The following ACTR3C variants were observed in gnomAD, a reference collection of about 807,000 sequenced individuals.
ACTR3C encodes actin related protein 3C, also known as actin-related protein 3C.
Under a neutral mutation model 26.3 loss-of-function variants are expected in ACTR3C, and 18 were observed. The ratio of observed to expected loss-of-function variants is 0.68; its 90% CI spans 0.47 to 1.01. The LOEUF (loss-of-function observed/expected upper bound fraction) is 1.01, where lower values mean the gene tolerates loss of function less well. Ranked by LOEUF, ACTR3C falls within the 50% of genes least tolerant of loss-of-function variation. The pLI is 0.00. For synonymous variants in ACTR3C, 55 were observed against 94.5 expected, an observed-to-expected ratio of 0.58 and a Z score of 2.42; for missense variants, 184 against 250.7, an observed-to-expected ratio of 0.73 and a Z score of 1.80.
the ACTR3C span, among the ~76,000 whole-genome samples, chr7:150,133,406 G>A: frequency 3.9e-5 from 6 of 152,124 alleles, no homozygotes; most frequent in African/African-American, 7.2e-5. Flanking sequence ...GAAGTTAGAT[G>A]CTCCTTGTTC....
the ACTR3C span, among the ~76,000 whole-genome samples, chr7:150,211,642 G>A: frequency 1.2e-4 from 18 of 149,792 alleles, no homozygotes; most frequent in African/African-American, 4.6e-4. Flanking sequence ...CTGAAGGCTG[G>A]TTGAATGTCC....
At chr7:150,307,139 A>G (rs990700183) in intron 1 of ACTR3C, among the ~76,000 whole-genome samples, 1 of 152,234 alleles carries the variant, frequency 6.6e-6, no homozygotes, top group Admixed American at 6.5e-5. Context: ...TCGTCAGGAG[A>G]CCCTGAGATC....
At chr7:150,076,330 T>C in the ACTR3C span, among the ~76,000 whole-genome samples, 1 of 152,158 alleles carries the variant, frequency 6.6e-6, no homozygotes, top group African/African-American at 2.4e-5. Context: ...GATTTGTGGG[T>C]GACAAGAAAA....
the ACTR3C span, among the ~76,000 whole-genome samples, chr7:150,047,232 A>C: frequency 1.3e-5 from 2 of 151,930 alleles, no homozygotes; most frequent in African/African-American, 2.4e-5. Context: ...GAAATAAATA[A>C]AAAATAAACC....
chr7:150,221,998 C>CAAAAAAAAAAAAAAAAAAAA, the ACTR3C span, among the ~76,000 whole-genome samples: 40 of 79,792 alleles, frequency 5.0e-4, no homozygotes, highest in African/African-American at 2.5e-3. Flanking sequence ...ACTCCGTCTC[C>CAAAAAAAAAAAAAAAAAAAA]AAAAAAAAAA....
At chr7:150,143,463 A>G in the ACTR3C span, among the ~76,000 whole-genome samples, 271 of 152,212 alleles carry the variant, frequency 1.8e-3, 1 homozygote, top group African/African-American at 6.2e-3. Context: ...ATTTACATGC[A>G]ATAAAATTCA....
the ACTR3C span, among the ~76,000 whole-genome samples, chr7:150,231,731 A>C: frequency 6.6e-6 from 1 of 151,574 alleles, no homozygotes; most frequent in African/African-American, 2.4e-5. Flanking sequence ...CTGATAATAT[A>C]TTTCCTATAA....
the ACTR3C span, among the ~76,000 whole-genome samples, chr7:150,034,966 C>T: frequency 6.8e-6 from 1 of 146,632 alleles, no homozygotes; most frequent in African/African-American, 2.5e-5. Flanking sequence ...CTCTCAGTCC[C>T]CACTCTCGTG....
chr7:149,908,483 T>C, the ACTR3C span, among the ~76,000 whole-genome samples: 1 of 152,140 alleles, frequency 6.6e-6, no homozygotes, highest in Non-Finnish European at 1.5e-5. Context: ...TGGAGTCCGC[T>C]TTCTAGTGAT....
the ACTR3C span, among the ~76,000 whole-genome samples, chr7:149,887,096 A>G: frequency 6.6e-6 from 1 of 152,222 alleles, no homozygotes; most frequent in African/African-American, 2.4e-5. Flanking sequence ...TGTACTAGAA[A>G]AAAATTGGAG....
chr7:150,147,284 G>C, the ACTR3C span, among the ~76,000 whole-genome samples: 1 of 152,104 alleles, frequency 6.6e-6, no homozygotes, highest in Admixed American at 6.5e-5. Context: ...AATGTTCCTA[G>C]CTTTAAGATT....
At chr7:150,035,683 TTAGGA>T in the ACTR3C span, among the ~76,000 whole-genome samples, 2 of 129,372 alleles carry the variant, frequency 1.5e-5, no homozygotes, top group Admixed American at 1.5e-4. Context: ...CCTAAGGATC[TTAGGA>T]TCAGCGATGG....
the ACTR3C span, among the ~76,000 whole-genome samples, chr7:150,122,919 G>A: frequency 7.4e-4 from 112 of 150,844 alleles, 5 homozygotes; most frequent in South Asian, 0.023. Context: ...TAAAAAGAAT[G>A]AGTTCGTGTC....
chr7:150,126,506 C>T, the ACTR3C span, among the ~76,000 whole-genome samples: 3 of 152,186 alleles, frequency 2.0e-5, no homozygotes, highest in Non-Finnish European at 4.4e-5. Context: ...AGAGTTGCCA[C>T]TGCAGAGCAA....
At chr7:150,082,939 T>C in the ACTR3C span, among the ~76,000 whole-genome samples, 19,673 of 114,732 alleles carry the variant, frequency 0.17, 1,442 homozygotes, top group South Asian at 0.29. Flanking sequence ...TTTTTCTTTT[T>C]TTTTTTTCTT....
At position 150,288,421 on chromosome 7, in the gene ACTR3C, C is replaced by CT. The variant is rs869032523; in HGVS notation, c.297+1028dup. ...CTCAATTCTTTTTTTTTTTTTTCTT[C>CT]TTTTTTGAAATAGAGACGAGATCTC... On this transcript the variant is annotated intron_variant, in intron 4 of 7. Coordinates refer to ENST00000683684, the MANE Select transcript of ACTR3C (RefSeq NM_001164458.2). Among the ~76,000 whole-genome samples the CT allele has an allele frequency of 3.4e-5, 4 of 118,102 alleles. 1 individual carries two copies. The highest frequency in any genetic ancestry group is 5.1e-5 in the Non-Finnish European group (3 of 59,222). 77.5% of individuals were successfully genotyped at this position (118,102 alleles called of 152,430 possible). A position where few individuals can be genotyped will look rare whatever the true frequency, so the allele number is the denominator to read the frequency against.
At chr7:150,033,097 T>C in the ACTR3C span, among the ~76,000 whole-genome samples, 13 of 152,076 alleles carry the variant, frequency 8.5e-5, no homozygotes, top group South Asian at 2.1e-4. Flanking sequence ...GGTGAGCACA[T>C]TGTCAGCCTG....
the ACTR3C span, among the ~76,000 whole-genome samples, chr7:150,071,927 G>A: frequency 4.1e-5 from 6 of 146,298 alleles, no homozygotes; most frequent in African/African-American, 1.5e-4. Context: ...GATCGGAGCA[G>A]GCGGAGAGGG....
chr7:149,950,590 T>C, the ACTR3C span, among the ~76,000 whole-genome samples: 1 of 150,840 alleles, frequency 6.6e-6, no homozygotes, highest in East Asian at 1.9e-4. Context: ...TGATACATCA[T>C]AGAGGCAATC....
Sources: gnomAD v4.1 joint callset for allele counts (sites outside exome capture counted in the v4.1 genomes callset) on GRCh38, gnomAD v4.1.1 for gene constraint, MANE v1.5 for transcripts, NCBI Gene and HGNC (gene_info 2026-07-23, HGNC 2026-07-21) for gene names.